Variants in PTGER4 observed in about 807,000 individuals in gnomAD.
PTGER4 encodes the protein prostaglandin E2 receptor EP4 subtype.
Under a neutral mutation model 33.2 loss-of-function variants are expected in PTGER4, and 11 were observed. The observed-to-expected ratio is 0.33, with a 90% CI of 0.21 to 0.55. The LOEUF is 0.55. Ranked by LOEUF, PTGER4 falls within the 20% of genes least tolerant of loss-of-function variation. PTGER4 has a pLI of 0.92. For missense variants in PTGER4, 481 were observed against 650.2 expected (o/e 0.74, Z 2.83); for synonymous variants, 275 against 281.5 (o/e 0.98, Z 0.23).
At chr5:40,687,036 T>G (rs571410066) in intron 2 of PTGER4, among the ~76,000 whole-genome samples, 1 of 151,722 alleles carries the variant, frequency 6.6e-6, no homozygotes, top group South Asian at 2.1e-4. Flanking sequence ...AGTTTTTTTG[T>G]TTTTGTTTTT....
chr5:40,714,013 A>T, the PTGER4 span, among the ~76,000 whole-genome samples: 1 of 152,182 alleles, frequency 6.6e-6, no homozygotes, highest in African/African-American at 2.4e-5. Context: ...TCTTATGTCT[A>T]AACTATTTTA....
Position 40,691,944 on chromosome 5 carries a change from A to G in PTGER4, c.1033A>G (p.Lys345Glu). 3 of 1,614,268 alleles carry G rather than the reference A, an allele frequency of 1.9e-6. No homozygotes were observed. Among genetic ancestry groups the G allele is most frequent in the Non-Finnish European group, 2.5e-6 (3 of 1,180,040 alleles). ...GCTCAGTAAAGCAATAGAGAAGATCAAATGCCTCTTCTGCCGCATTGGCGG... is the reference window on the plus strand; with the variant it reads ...GCTCAGTAAAGCAATAGAGAAGATCGAATGCCTCTTCTGCCGCATTGGCGG... ...TVLSKAIEKI[K>E]CLFCRIGGSR... is the part of the protein sequence containing the mutation. Residue 345 changes from lysine to glutamate, a missense_variant, in exon 3 of 3, where the codon AAA becomes GAA. By Grantham distance (56) the Lys-to-Glu change is moderately conservative. This residue lies in a region of PTGER4 where 172 missense variants were observed against 199.2 expected (regional missense o/e 0.86). Transcript: ENST00000302472. The surrounding 1 kb of genome is among the most constrained non-coding windows in gnomAD (Gnocchi z 4.2).
At chr5:40,717,767 A>C in the PTGER4 span, among the ~76,000 whole-genome samples, 1 of 152,224 alleles carries the variant, frequency 6.6e-6, no homozygotes, top group African/African-American at 2.4e-5. Context: ...ATTAGTTTTA[A>C]GATTGCACTT....
the PTGER4 span, among the ~76,000 whole-genome samples, chr5:40,732,108 C>T: frequency 2.0e-5 from 3 of 152,194 alleles, no homozygotes; most frequent in African/African-American, 7.2e-5. Flanking sequence ...AACTCTTGGG[C>T]TCAAGGGCCT....
intron 2 of PTGER4, among the ~76,000 whole-genome samples, chr5:40,687,411 T>C (rs1192058532): frequency 6.6e-6 from 1 of 152,194 alleles, no homozygotes; most frequent in African/African-American, 2.4e-5. Context: ...GAAAACTGCC[T>C]GAACTTGTTT....
intron 2 of PTGER4, among the ~76,000 whole-genome samples, chr5:40,688,823 A>G (rs1190174055): frequency 6.6e-6 from 1 of 152,210 alleles, no homozygotes; most frequent in Non-Finnish European, 1.5e-5. Context: ...CGTAGTTTCT[A>G]AAAGTATTTC....
chr5:40,724,658 A>AC, the PTGER4 span, among the ~76,000 whole-genome samples: 3 of 152,160 alleles, frequency 2.0e-5, no homozygotes, highest in Non-Finnish European at 2.9e-5. Context: ...AAACAAACAA[A>AC]AAAAAACAGA....
chr5:40,688,740 C>T (rs1055707484), intron 2 of PTGER4, among the ~76,000 whole-genome samples: 9 of 152,114 alleles, frequency 5.9e-5, no homozygotes, highest in Non-Finnish European at 1.2e-4. Context: ...AACCAAGATG[C>T]TTTATTTTAC....
the PTGER4 span, among the ~76,000 whole-genome samples, chr5:40,746,385 T>G: frequency 2.6e-5 from 4 of 151,288 alleles, no homozygotes; most frequent in Non-Finnish European, 5.9e-5. Context: ...AAATACCTAT[T>G]TTTTTTTATG....
chr5:40,709,976 G>A, the PTGER4 span, among the ~76,000 whole-genome samples: 1 of 152,164 alleles, frequency 6.6e-6, no homozygotes, highest in Non-Finnish European at 1.5e-5. Flanking sequence ...AAAAACCCTA[G>A]AAGAAAACCT....
the PTGER4 span, chr5:40,728,517 C>G: frequency 6.5e-7 from 1 of 1,533,932 alleles, no homozygotes; most frequent in African/African-American, 1.4e-5. Context: ...CAGTAATATT[C>G]ATAAACTAGC....
At chr5:40,712,359 C>G in the PTGER4 span, among the ~76,000 whole-genome samples, 2 of 152,098 alleles carry the variant, frequency 1.3e-5, no homozygotes, top group Non-Finnish European at 2.9e-5. Context: ...CTGCACTAGT[C>G]TTTGTTAAAG....
At chr5:40,718,566 C>G in the PTGER4 span, among the ~76,000 whole-genome samples, 5 of 151,998 alleles carry the variant, frequency 3.3e-5, no homozygotes, top group African/African-American at 7.3e-5. Context: ...ATGGTGAAAC[C>G]CTGTCTCTAC....
the PTGER4 span, among the ~76,000 whole-genome samples, chr5:40,740,721 C>T: frequency 1.5e-3 from 235 of 152,268 alleles, no homozygotes; most frequent in Non-Finnish European, 2.2e-3. Context: ...CCAACCTTCC[C>T]TCCCTCTCCC....
At position 40,681,556 on chromosome 5, in the gene PTGER4, A is replaced by T; in HGVS notation, c.563A>T (p.Tyr188Phe). The T allele has an allele frequency of 6.2e-7, 1 of 1,611,888 alleles. No individual in the cohort carries two copies. Among genetic ancestry groups the T allele is most frequent in the South Asian group, 1.1e-5 (1 of 91,078 alleles). Reference protein sequence around the residue: ...VTAHAAYSYMYAGFSSFLILA... With the variant: ...VTAHAAYSYMFAGFSSFLILA... ...GCGCACGCCGCCTACTCCTACATGTACGCGGGCTTCAGCTCCTTCCTCATT... is the reference window on the plus strand; with the variant it reads ...GCGCACGCCGCCTACTCCTACATGTTCGCGGGCTTCAGCTCCTTCCTCATT... Residue 188 changes from tyrosine to phenylalanine, a missense_variant, in exon 2 of 3, where the codon TAC becomes TTC. Coordinates refer to ENST00000302472, the MANE Select transcript of PTGER4 (RefSeq NM_000958.3). The surrounding 1 kb of genome is among the most constrained non-coding windows in gnomAD (Gnocchi z 9.8).
Position 40,681,080 on chromosome 5 carries a change from C to T in PTGER4, c.87C>T (p.Ile29=), listed in dbSNP as rs1741173034. The change falls in exon 2 of 3, where the codon ATC becomes ATT. Residue 29 remains isoleucine (I), a synonymous_variant. Coordinates refer to ENST00000302472, the MANE Select transcript of PTGER4 (RefSeq NM_000958.3). The surrounding 1 kb of genome is among the most constrained non-coding windows in gnomAD (Gnocchi z 9.8). ...TGACCATCCCGGCGGTGATGTTCATCTTCGGGGTGGTGGGCAACCTGGTGG... is the reference window on the plus strand; with the variant it reads ...TGACCATCCCGGCGGTGATGTTCATTTTCGGGGTGGTGGGCAACCTGGTGG... ...SPVTIPAVMF[I]FGVVGNLVAI... 6.2e-7 allele frequency: 1 copy of T among 1,614,080 alleles called. No homozygotes were observed. The highest frequency in any genetic ancestry group is 1.7e-5 in the Admixed American group (1 of 60,028).
the PTGER4 span, among the ~76,000 whole-genome samples, chr5:40,717,510 G>A: frequency 6.6e-6 from 1 of 152,150 alleles, no homozygotes; most frequent in Non-Finnish European, 1.5e-5. Flanking sequence ...ATTTGGCTGA[G>A]TAATTCTTTA....
At chr5:40,693,835 G>T (rs952536629), downstream of PTGER4, 1 of 600,846 alleles carries the variant, frequency 1.7e-6, no homozygotes, top group African/African-American at 2.0e-5. Context: ...AAAATTTATT[G>T]TGAAATAATT....
chr5:40,707,917 G>A, the PTGER4 span, among the ~76,000 whole-genome samples: 1 of 152,134 alleles, frequency 6.6e-6, no homozygotes, highest in African/African-American at 2.4e-5. Flanking sequence ...CAAACAACCT[G>A]CTCCTGAATG....
Sources: gnomAD v4.1 joint callset for allele counts (sites outside exome capture counted in the v4.1 genomes callset) on GRCh38, gnomAD v4.1.1 for gene constraint, gnomAD v4.1.1 regional missense constraint, Gnocchi (gnomAD v3.1) non-coding constraint, MANE v1.5 for transcripts, NCBI Gene and HGNC (gene_info 2026-07-23, HGNC 2026-07-21) for gene names.